Variants in PROK2 observed in about 807,000 individuals in gnomAD.
PROK2 encodes prokineticin-2.
PROK2 carries 8 observed loss-of-function variants against 14.2 expected under a neutral mutation model. The ratio of observed to expected loss-of-function variants is 0.56; its 90% CI spans 0.33 to 1.02. The LOEUF (loss-of-function observed/expected upper bound fraction) is 1.02, where lower values mean the gene tolerates loss of function less well. PROK2 is among the 50% of genes least tolerant of loss of function. The probability of loss-of-function intolerance (pLI) is 0.03; values close to 1 mark genes in which losing one functional copy is unlikely to be tolerated. For missense variants in PROK2, 154 were observed against 160.4 expected (o/e 0.96, Z 0.22); for synonymous variants, 59 against 60.7 (o/e 0.97, Z 0.13).
intron 1 of PROK2, among the ~76,000 whole-genome samples, chr3:71,782,757 T>C (rs1233183268): frequency 6.6e-6 from 1 of 152,202 alleles, no homozygotes; most frequent in Non-Finnish European, 1.5e-5. Flanking sequence ...GATATAAAAA[T>C]ATGGGTACAT....
intron 3 of PROK2, 114 bp from the exon 4 acceptor site, chr3:71,772,942 C>G: frequency 1.2e-6 from 1 of 839,528 alleles, no homozygotes; most frequent in Non-Finnish European, 2.0e-6. Flanking sequence ...TGAGCGTTAA[C>G]TACCCATTAG....
intron 2 of PROK2, among the ~76,000 whole-genome samples, chr3:71,780,208 CA>C (rs2050150796): frequency 6.6e-6 from 1 of 152,208 alleles, no homozygotes; most frequent in African/African-American, 2.4e-5. Flanking sequence ...AAGCATTTCA[CA>C]AGGCAACCAC....
chr3:71,774,855 T>C (rs1217778921), intron 2 of PROK2, among the ~76,000 whole-genome samples: 3 of 152,010 alleles, frequency 2.0e-5, no homozygotes, highest in African/African-American at 7.2e-5. Context: ...GCATGAGAAG[T>C]GATCATCAAC....
chr3:71,779,984 A>G (rs1276420304), intron 2 of PROK2, among the ~76,000 whole-genome samples: 2 of 152,218 alleles, frequency 1.3e-5, no homozygotes, highest in East Asian at 3.8e-4. Flanking sequence ...TACAAAAGAT[A>G]ACTCATAATT....
intron 2 of PROK2, among the ~76,000 whole-genome samples, chr3:71,775,779 G>C (rs1190565091): frequency 2.0e-5 from 3 of 152,144 alleles, no homozygotes; most frequent in Admixed American, 2.0e-4. Flanking sequence ...ACTCTCTAAA[G>C]GGGGGACCAT....
rs768413190 is a variant in PROK2 at position 71,772,816 on chromosome 3, C to CA, written c.297dup (p.Gly100TrpfsTer22). The CA allele has an allele frequency of 2.4e-4, 383 of 1,613,856 alleles. No individual in the cohort carries two copies. The highest frequency in any genetic ancestry group is 2.9e-4 in the Non-Finnish European group (344 of 1,179,940). ...GGGCAAGTGTGATGCATCCTCCGCC[C>CA]AAAAAATGGAACCTAAATAAAAAAG... On this transcript the variant is annotated frameshift_variant, in exon 4 of 4. Transcript: ENST00000295619. LOFTEE classifies it high-confidence loss of function.
intron 2 of PROK2, among the ~76,000 whole-genome samples, chr3:71,776,364 A>ATTTTTTTTTTTTTTTTT (rs58407323): frequency 2.7e-5 from 2 of 75,442 alleles, no homozygotes; most frequent in African/African-American, 1.0e-4. Context: ...TTCGCTTTTC[A>ATTTTTTTTTTTTTTTTT]TTTTTTTTTT....
At chr3:71,774,566 A>G (rs1269936175) in intron 2 of PROK2, 59 bp from the exon 3 acceptor site, 1 of 1,537,300 alleles carries the variant, frequency 6.5e-7, no homozygotes, top group Non-Finnish European at 8.8e-7. Flanking sequence ...AAAAGAGGCA[A>G]TGGGAGGGCA....
At chr3:71,782,861 C>T (rs957873279) in intron 1 of PROK2, among the ~76,000 whole-genome samples, 7 of 152,144 alleles carry the variant, frequency 4.6e-5, no homozygotes, top group Non-Finnish European at 7.4e-5. Flanking sequence ...TCTATTTAAA[C>T]AAAGTATCTG....
intron 1 of PROK2, 137 bp downstream of exon 1, chr3:71,784,820 G>T (rs2050198800): frequency 4.5e-6 from 3 of 665,112 alleles, no homozygotes; most frequent in South Asian, 1.6e-4. Context: ...TGCACCAAGG[G>T]GCGACAGGGG....
intron 2 of PROK2, among the ~76,000 whole-genome samples, chr3:71,780,429 T>G (rs2050152414): frequency 6.6e-6 from 1 of 152,178 alleles, no homozygotes. Context: ...AAATCACATG[T>G]GAAAAAATAA....
intron 2 of PROK2, among the ~76,000 whole-genome samples, chr3:71,777,048 G>A (rs949281250): frequency 8.5e-5 from 13 of 152,162 alleles, no homozygotes; most frequent in Non-Finnish European, 1.6e-4. Flanking sequence ...TTATAGTGAT[G>A]GAAATGTTTT....
intron 1 of PROK2, 91 bp downstream of exon 1, chr3:71,784,866 T>C (rs1028513466): frequency 1.5e-5 from 17 of 1,109,168 alleles, no homozygotes; most frequent in Admixed American, 4.3e-5. Flanking sequence ...TCCCTTTGCC[T>C]CTAGCCTGCC....
chr3:71,776,096 C>A (rs2050115365), intron 2 of PROK2, among the ~76,000 whole-genome samples: 1 of 152,156 alleles, frequency 6.6e-6, no homozygotes, highest in South Asian at 2.1e-4. Flanking sequence ...AGTGTGTTCA[C>A]AAGGTCATCT....
At chr3:71,781,806 A>T (rs1446197660) in intron 1 of PROK2, among the ~76,000 whole-genome samples, 1 of 152,194 alleles carries the variant, frequency 6.6e-6, no homozygotes, top group Admixed American at 6.5e-5. Flanking sequence ...AAGTGGGCTA[A>T]ATTCTAGCCC....
intron 2 of PROK2, among the ~76,000 whole-genome samples, chr3:71,777,019 AG>A (rs2108192914): frequency 1.3e-5 from 2 of 152,352 alleles, no homozygotes; most frequent in East Asian, 3.9e-4. Flanking sequence ...CACTTATAAA[AG>A]GGCAACATGA....
chr3:71,780,932 G>A (rs1378028415), intron 2 of PROK2, among the ~76,000 whole-genome samples: 1 of 152,100 alleles, frequency 6.6e-6, no homozygotes, highest in East Asian at 1.9e-4. Flanking sequence ...AAAGCAAATT[G>A]GAAAATTAAA....
Position 71,774,448 on chromosome 3 carries a change from C to G in PROK2, c.282G>C (p.Lys94Asn). ...RRKRKRSKRK[K>N]EVPFFGRRMH... ...ACCACATTCGCATTCTTCTTACCTCCTTTTTCCTTTTGCTTCTCTTCCTCT... is the reference window on the plus strand; with the variant it reads ...ACCACATTCGCATTCTTCTTACCTCGTTTTTCCTTTTGCTTCTCTTCCTCT... Residue 94 changes from lysine to asparagine, a missense_variant, in exon 3 of 4, where the codon AAG becomes AAC. Lys to Asn is a moderately conservative substitution (Grantham distance 94). Transcript: ENST00000295619. The G allele has an allele frequency of 6.4e-7, 1 of 1,551,458 alleles. No individual in the cohort carries two copies. The highest frequency in any genetic ancestry group is 8.7e-7 in the Non-Finnish European group (1 of 1,146,880).
chr3:71,781,033 A>G (rs2050156114), intron 2 of PROK2, among the ~76,000 whole-genome samples: 1 of 152,236 alleles, frequency 6.6e-6, no homozygotes, highest in Non-Finnish European at 1.5e-5. Flanking sequence ...GTAATTGTAT[A>G]ATCGATTTTC....
Sources: allele counts gnomAD v4.1 joint callset (sites outside exome capture counted in the v4.1 genomes callset), GRCh38; gene constraint gnomAD v4.1.1; transcripts MANE v1.5; gene names NCBI Gene and HGNC (gene_info 2026-07-23, HGNC 2026-07-21).